PARD6G: variants seen among roughly 807,000 people sequenced by gnomAD.
PARD6G encodes partitioning defective 6 homolog gamma.
PARD6G carries 7 observed loss-of-function variants against 10.7 expected under a neutral mutation model. That is an observed-to-expected ratio of 0.66 (90% CI 0.37 to 1.23). The LOEUF (loss-of-function observed/expected upper bound fraction) is 1.23. Ranked by LOEUF, PARD6G falls within the 50% of genes most tolerant of loss-of-function variation. The pLI, the probability that PARD6G is intolerant of heterozygous loss-of-function variation, is 0.02. For missense variants in PARD6G, 548 were observed against 571.8 expected (o/e 0.96, Z 0.42); for synonymous variants, 287 against 269.4 (o/e 1.07, Z -0.64).
At chr18:80,167,048 C>G (rs1215332139) in intron 2 of PARD6G, among the ~76,000 whole-genome samples, 1 of 152,158 alleles carries the variant, frequency 6.6e-6, no homozygotes, top group Non-Finnish European at 1.5e-5. Flanking sequence ...ATAATTACCA[C>G]TTTTCAGGGC....
At chr18:80,164,392 C>T (rs747491704) in intron 2 of PARD6G, among the ~76,000 whole-genome samples, 7 of 152,216 alleles carry the variant, frequency 4.6e-5, no homozygotes, top group Non-Finnish European at 7.3e-5. Context: ...AGGGGCGTTG[C>T]CTCTGTGATG....
chr18:80,166,736 C>T (rs919598967), intron 2 of PARD6G, among the ~76,000 whole-genome samples: 21 of 151,604 alleles, frequency 1.4e-4, no homozygotes, highest in South Asian at 2.1e-4. Flanking sequence ...TCCACCTTCC[C>T]GGGGAACTTC....
chr18:80,213,876 T>G (rs1234204456), intron 1 of PARD6G, among the ~76,000 whole-genome samples: 1 of 145,278 alleles, frequency 6.9e-6, no homozygotes. Context: ...GAGAATGGCA[T>G]GAATCCGGAA....
intron 1 of PARD6G, among the ~76,000 whole-genome samples, chr18:80,230,574 G>A (rs1967346979): frequency 6.6e-6 from 1 of 152,168 alleles, no homozygotes; most frequent in African/African-American, 2.4e-5. Context: ...CTGCCCAGAC[G>A]AGCATCATGC....
At chr18:80,237,644 A>G (rs1173884373) in intron 1 of PARD6G, among the ~76,000 whole-genome samples, 6 of 152,260 alleles carry the variant, frequency 3.9e-5, no homozygotes, top group Non-Finnish European at 7.3e-5. Flanking sequence ...GAACACAAAC[A>G]AATTTACAAG....
intron 2 of PARD6G, among the ~76,000 whole-genome samples, chr18:80,194,670 G>C (rs1568434208): frequency 6.6e-6 from 1 of 152,084 alleles, no homozygotes; most frequent in Non-Finnish European, 1.5e-5. Context: ...CAAAATACTA[G>C]TGCAGGAGGA....
In PARD6G at chr18:80,181,547, G is replaced by T. The variant is rs2052848683; in HGVS notation, c.296-20941C>A. Among the ~76,000 whole-genome samples the T allele has an allele frequency of 6.6e-6, 1 of 152,128 alleles. No individual in the cohort carries two copies. Among genetic ancestry groups the T allele is most frequent in the African/African-American group, 2.4e-5 (1 of 41,428 alleles). On this transcript the variant is annotated intron_variant, in intron 2 of 2. Transcript: ENST00000353265. This position sits in a 1 kb window ranked among gnomAD's most constrained non-coding sequence, Gnocchi z 7.9. ...GCAACCCTACATCTCTGCTTCCAAA[G>T]TCCGGTAGGTGTGCCCTTCCCCTAA...
rs1873572414 is a variant in PARD6G, at chr18:80,246,825, C to T, written c.72+452G>A. On this transcript the variant is annotated intron_variant, in intron 1 of 2. Transcript: ENST00000353265. The surrounding 1 kb of genome is among the most constrained non-coding windows in gnomAD (Gnocchi z 6.7). Reference sequence around the variant, plus strand: ...AGTCTCCTCCTGGCAGGTAACAAGCCTCCTTTGCAGCCTTGAAGGCGCCTT... The same window carrying T: ...AGTCTCCTCCTGGCAGGTAACAAGCTTCCTTTGCAGCCTTGAAGGCGCCTT... Among the ~76,000 whole-genome samples the T allele has an allele frequency of 1.3e-5, 2 of 152,152 alleles. No homozygotes were observed. The highest frequency in any genetic ancestry group is 3.4e-3 in the Middle Eastern group (1 of 294).
chr18:80,186,310 T>C (rs558268819), intron 2 of PARD6G, among the ~76,000 whole-genome samples: 1 of 131,468 alleles, frequency 7.6e-6, no homozygotes, highest in Non-Finnish European at 1.6e-5. Flanking sequence ...CATGCACACA[T>C]GCACCCTCAC....
chr18:80,179,959 A>G (rs1478677245), intron 2 of PARD6G, among the ~76,000 whole-genome samples: 1 of 152,240 alleles, frequency 6.6e-6, no homozygotes, highest in African/African-American at 2.4e-5. Flanking sequence ...TCAGAGGGGC[A>G]CCCAGCTGCC....
chr18:80,218,517 C>T (rs186918164), intron 1 of PARD6G, among the ~76,000 whole-genome samples: 229 of 152,348 alleles, frequency 1.5e-3, no homozygotes, highest in African/African-American at 4.6e-3. Flanking sequence ...TTGGGCAGCT[C>T]TGCCCCTGTG....
rs1311304584 is a variant in PARD6G at position 80,246,722 on chromosome 18, C to G, written c.72+555G>C. Among the ~76,000 whole-genome samples, 1 of 151,678 alleles carries G rather than the reference C, an allele frequency of 6.6e-6. No homozygotes were observed. The highest frequency in any genetic ancestry group is 2.4e-5 in the African/African-American group (1 of 41,274). ...GGAGAGCCGGGTGCGTGCTCTGGGT[C>G]TGCGCGGGGGAGCGCGCCTGGTGCC... On this transcript the variant is annotated intron_variant, in intron 1 of 2. Transcript: ENST00000353265. This position sits in a 1 kb window ranked among gnomAD's most constrained non-coding sequence, Gnocchi z 6.7.
At chr18:80,244,833 A>G (rs1428154990) in intron 1 of PARD6G, among the ~76,000 whole-genome samples, 1 of 152,112 alleles carries the variant, frequency 6.6e-6, no homozygotes, top group African/African-American at 2.4e-5. Flanking sequence ...GCGGCTCCCT[A>G]TGGAGATAGA....
intron 1 of PARD6G, among the ~76,000 whole-genome samples, chr18:80,213,628 AC>A (rs1029038216): frequency 5.9e-5 from 9 of 152,172 alleles, no homozygotes; most frequent in African/African-American, 2.2e-4. Flanking sequence ...AGCAACAACA[AC>A]AAAACCCTTG....
chr18:80,237,469 A>G (rs1436773714), intron 1 of PARD6G, among the ~76,000 whole-genome samples: 2 of 152,250 alleles, frequency 1.3e-5, no homozygotes, highest in African/African-American at 4.8e-5. Flanking sequence ...AAACACAAAA[A>G]GCAATGGCAA....
At chr18:80,187,397 C>T (rs920464195) in intron 2 of PARD6G, among the ~76,000 whole-genome samples, 2 of 152,166 alleles carry the variant, frequency 1.3e-5, no homozygotes, top group Non-Finnish European at 1.5e-5. Flanking sequence ...ACACACGAGG[C>T]GTGTGTGTGA....
At chr18:80,171,506 A>G (rs1026333143) in intron 2 of PARD6G, 2 of 152,290 alleles carry the variant, frequency 1.3e-5, no homozygotes, top group African/African-American at 4.8e-5. Flanking sequence ...GAAAATTTAC[A>G]TAACATAAAA....
At chr18:80,187,096 C>G (rs962293666) in intron 2 of PARD6G, among the ~76,000 whole-genome samples, 2 of 133,216 alleles carry the variant, frequency 1.5e-5, no homozygotes, top group Non-Finnish European at 3.2e-5. Context: ...GACTCTGTCT[C>G]AAGAAAAAAA....
In PARD6G at chr18:80,160,517, G is replaced by A; in HGVS notation, c.385C>T (p.Arg129Cys). 1 of 1,522,592 alleles carries A rather than the reference G, an allele frequency of 6.6e-7. No homozygotes were observed. Among genetic ancestry groups the A allele is most frequent in the Non-Finnish European group, 8.8e-7 (1 of 1,135,424 alleles). The allele number at this position is 1,522,592 out of a possible 1,614,324, so 94.3% of individuals were successfully genotyped here. ...GALRDEGPRR[R>C]AHLDIGLPRD... Reference sequence around the variant, plus strand: ...GGGAGGCCGATGTCCAGGTGTGCACGCCGCCGGGGTCCTTCATCACGCAGC... The same window carrying A: ...GGGAGGCCGATGTCCAGGTGTGCACACCGCCGGGGTCCTTCATCACGCAGC... The change falls in exon 3 of 3, where the codon CGT (arginine) becomes TGT (cysteine). Residue 129 changes from arginine (R) to cysteine (C), a missense_variant. Arg to Cys is a radical substitution (Grantham distance 180). Around this residue, in one of 2 missense-constraint regions of PARD6G, gnomAD observed 235 missense variants for 291.9 expected, o/e 0.81. Transcript: ENST00000353265.
Sources: gnomAD v4.1 joint callset for allele counts (sites outside exome capture counted in the v4.1 genomes callset) on GRCh38, gnomAD v4.1.1 for gene constraint, gnomAD v4.1.1 regional missense constraint, Gnocchi (gnomAD v3.1) non-coding constraint, MANE v1.5 for transcripts, NCBI Gene and HGNC (gene_info 2026-07-23, HGNC 2026-07-21) for gene names.